Variants in MYO1E observed in about 807,000 individuals in gnomAD.
The protein encoded by MYO1E is myosin IE.
Under a neutral mutation model 151.1 loss-of-function variants are expected in MYO1E, and 68 were observed. The observed-to-expected ratio is 0.45, with a 90% confidence interval of 0.37 to 0.55. The LOEUF is 0.55. Ranked by LOEUF, MYO1E falls within the 20% of genes least tolerant of loss-of-function variation. The pLI, the probability that MYO1E is intolerant of heterozygous loss-of-function variation, is 0.00. For missense variants in MYO1E, 1,363 were observed against 1,389.3 expected, an observed-to-expected ratio of 0.98 and a Z score of 0.30; for synonymous variants, 601 against 501.7, an observed-to-expected ratio of 1.20 and a Z score of -2.64.
Position 59,350,281 on chromosome 15 carries a change from G to A in MYO1E, c.3+22217C>T, listed in dbSNP as rs948460031. Among the ~76,000 whole-genome samples, 22 of 152,206 alleles carry A rather than the reference G, an allele frequency of 1.4e-4. No homozygotes were observed. Among genetic ancestry groups the A allele is most frequent in the Non-Finnish European group, 1.2e-4 (8 of 68,026 alleles). ...CTCAGGGTGGAAGAGATCCACTGCT[G>A]CTGTCTGCTGACTCACCTTCACACT... is the stretch of plus-strand genomic sequence containing the variant. On this transcript the variant is annotated intron_variant, in intron 1 of 27. Coordinates refer to ENST00000288235, the MANE Select transcript of MYO1E (RefSeq NM_004998.4). This position sits in a 1 kb window ranked among gnomAD's most constrained non-coding sequence, Gnocchi z 5.0.
intron 26 of MYO1E, among the ~76,000 whole-genome samples, chr15:59,150,941 G>A (rs564492094): frequency 1.3e-5 from 2 of 151,532 alleles, no homozygotes; most frequent in South Asian, 2.1e-4. Context: ...CGTGAACCAC[G>A]GTCATGAGAG....
rs1055864806 is a variant in MYO1E, at chr15:59,243,519, G to T, written c.333-6847C>A. On this transcript the variant is annotated intron_variant, in intron 4 of 27. Transcript: ENST00000288235. ...GCTGAAGGACACTTAGCTAGTGAGT[G>T]GAAGAGCTAGAAAAGGAGGTGAGAG... Among the ~76,000 whole-genome samples the T allele has an allele frequency of 5.3e-5, 8 of 152,284 alleles. No individual in the cohort carries two copies. In the East Asian group the frequency reaches 1.4e-3, roughly 26 times the overall value.
At chr15:59,343,759 ATTCT>A (rs1374434052) in intron 1 of MYO1E, among the ~76,000 whole-genome samples, 24 of 151,950 alleles carry the variant, frequency 1.6e-4, no homozygotes, top group Admixed American at 6.6e-4. Flanking sequence ...AAGCTCACTA[ATTCT>A]TTCTTCTGCT....
chr15:59,197,625 G>A (rs2079775847), intron 16 of MYO1E, among the ~76,000 whole-genome samples: 1 of 152,208 alleles, frequency 6.6e-6, no homozygotes, highest in Non-Finnish European at 1.5e-5. Flanking sequence ...TTGCATGAAA[G>A]AGAAGTAAGG....
chr15:59,248,549 C>T (rs1202667432), intron 4 of MYO1E, among the ~76,000 whole-genome samples: 1 of 150,156 alleles, frequency 6.7e-6, no homozygotes, highest in African/African-American at 2.5e-5. Flanking sequence ...GATTTGTCTG[C>T]CAGTGGGCTG....
rs565079398 is a variant in MYO1E at position 59,135,135 on chromosome 15, G to T, written c.*2245C>A. ...TTACCTATTTCAGCACCATTTGTTG[G>T]GCATCTCCTTGAGCCTGGCACTGGC... On this transcript the variant is annotated 3_prime_UTR_variant, in exon 28 of 28. Transcript: ENST00000288235. 6.6e-6 allele frequency: 1 copy of T among 152,218 alleles called. No individual in the cohort carries two copies. Among genetic ancestry groups the T allele is most frequent in the South Asian group, 2.1e-4 (1 of 4,810 alleles). 9.4% of individuals were successfully genotyped at this position (152,218 alleles called of 1,614,324 possible).
intron 1 of MYO1E, among the ~76,000 whole-genome samples, chr15:59,338,262 A>T (rs1357145185): frequency 4.7e-5 from 7 of 149,872 alleles, no homozygotes; most frequent in Non-Finnish European, 1.0e-4. Flanking sequence ...TATAATAGCT[A>T]TATAAACTAG....
chr15:59,207,022 C>G, intron 14 of MYO1E: 1 of 1,613,608 alleles, frequency 6.2e-7, no homozygotes, highest in Non-Finnish European at 8.5e-7. Context: ...GGGGATGGCC[C>G]TGTGTCCGCG....
intron 23 of MYO1E, among the ~76,000 whole-genome samples, chr15:59,161,610 T>G (rs573716910): frequency 2.0e-4 from 31 of 152,174 alleles, no homozygotes; most frequent in Non-Finnish European, 4.4e-4. Flanking sequence ...TGTCCCTGAT[T>G]CTGTGCTTGT....
At chr15:59,307,873 G>T (rs1174625668) in intron 1 of MYO1E, among the ~76,000 whole-genome samples, 1 of 151,454 alleles carries the variant, frequency 6.6e-6, no homozygotes. Flanking sequence ...GCCTCCCAAA[G>T]TGCTGGGATT....
At chr15:59,212,699 C>T (rs1162955563) in intron 12 of MYO1E, 1 of 152,152 alleles carries the variant, frequency 6.6e-6, no homozygotes, top group Admixed American at 6.5e-5. Context: ...TTCCAGTCAT[C>T]ATGGCAGGGT....
intron 1 of MYO1E, among the ~76,000 whole-genome samples, chr15:59,353,155 A>G (rs547769537): frequency 3.4e-4 from 52 of 152,184 alleles, no homozygotes; most frequent in Non-Finnish European, 1.3e-4. Context: ...AGCACATTAC[A>G]AAGTTATTCA....
At chr15:59,361,591 G>A (rs1446017234) in intron 1 of MYO1E, among the ~76,000 whole-genome samples, 1 of 151,996 alleles carries the variant, frequency 6.6e-6, no homozygotes, top group Non-Finnish European at 1.5e-5. Context: ...GTTAAATGAA[G>A]AATTATATGT....
chr15:59,186,502 G>A (rs1408061670), intron 18 of MYO1E, among the ~76,000 whole-genome samples: 3 of 152,138 alleles, frequency 2.0e-5, no homozygotes, highest in Non-Finnish European at 2.9e-5. Flanking sequence ...GTGGTCGCTC[G>A]TGCTGATAAT....
intron 1 of MYO1E, among the ~76,000 whole-genome samples, chr15:59,333,974 T>C (rs1288839540): frequency 6.6e-6 from 1 of 152,172 alleles, no homozygotes; most frequent in Admixed American, 6.5e-5. Flanking sequence ...CTCAGTTTTG[T>C]GGCAGTGGAT....
At chr15:59,320,956 A>G (rs1022222556) in intron 1 of MYO1E, among the ~76,000 whole-genome samples, 1 of 152,236 alleles carries the variant, frequency 6.6e-6, no homozygotes, top group South Asian at 2.1e-4. Flanking sequence ...TCTAATATCC[A>G]GAATCCTTAA....
At chr15:59,312,300 G>C (rs1229740342) in intron 1 of MYO1E, among the ~76,000 whole-genome samples, 2 of 152,146 alleles carry the variant, frequency 1.3e-5, no homozygotes, top group African/African-American at 4.8e-5. Context: ...TTTTACAACT[G>C]AAAGAGTTCA....
intron 1 of MYO1E, among the ~76,000 whole-genome samples, chr15:59,281,643 A>G (rs979142470): frequency 2.8e-4 from 43 of 152,120 alleles, no homozygotes; most frequent in African/African-American, 1.0e-3. Context: ...ATTTTCAACT[A>G]TTTTAACAAG....
In MYO1E at chr15:59,224,679, C is replaced by CAG; in HGVS notation, c.777+8_777+9dup. 6.2e-7 allele frequency: 1 copy of CAG among 1,614,184 alleles called. No homozygotes were observed. Among genetic ancestry groups the CAG allele is most frequent in the Non-Finnish European group, 8.5e-7 (1 of 1,180,024 alleles). ...GAGCAGATCCTGCCTGGCCCTGCGC[C>CAG]AGCACTTACCAGAGTTTCCTGAAAC... On this transcript the variant is annotated intron_variant, in intron 8 of 27. Coordinates refer to ENST00000288235, the MANE Select transcript of MYO1E (RefSeq NM_004998.4).
Sources: allele counts gnomAD v4.1 joint callset (sites outside exome capture counted in the v4.1 genomes callset), GRCh38; gene constraint gnomAD v4.1.1; non-coding constraint Gnocchi (gnomAD v3.1); transcripts MANE v1.5; gene names NCBI Gene and HGNC (gene_info 2026-07-23, HGNC 2026-07-21).